Variants in RNGTT observed in about 807,000 individuals in gnomAD.
The protein encoded by RNGTT is RNA guanylyltransferase and 5'-phosphatase, also known as mRNA-capping enzyme.
In RNGTT, 33 loss-of-function variants were observed where a neutral mutation model predicts 79.3. That is an observed-to-expected ratio of 0.42 (90% CI 0.32 to 0.56). The LOEUF is 0.56. RNGTT is among the 20% of genes least tolerant of loss of function. The probability of loss-of-function intolerance (pLI) is 0.17; values close to 1 mark genes in which losing one functional copy is unlikely to be tolerated. For missense variants in RNGTT, 497 were observed against 739.1 expected (o/e 0.67, Z 3.80); for synonymous variants, 222 against 235.9 (o/e 0.94, Z 0.54).
intron 4 of RNGTT, among the ~76,000 whole-genome samples, chr6:88,919,959 G>A (rs916506686): frequency 6.6e-6 from 1 of 152,096 alleles, no homozygotes; most frequent in Admixed American, 6.5e-5. Context: ...AAAGTGTTGG[G>A]ATTACAGGCG....
At chr6:88,675,787 C>T (rs1202262790) in intron 14 of RNGTT, among the ~76,000 whole-genome samples, 1 of 150,748 alleles carries the variant, frequency 6.6e-6, no homozygotes, top group Non-Finnish European at 1.5e-5. Context: ...GCCCAAGTGT[C>T]AGGGTGAGTA....
chr6:88,662,879 G>T (rs2610713), intron 14 of RNGTT, among the ~76,000 whole-genome samples: 81,455 of 152,034 alleles, frequency 0.54, 23,335 homozygotes, highest in African/African-American at 0.74. Flanking sequence ...CCTTGGAACT[G>T]GCCCACTCCA....
At chr6:88,805,804 A>T (rs1779934924) in intron 11 of RNGTT, among the ~76,000 whole-genome samples, 1 of 152,236 alleles carries the variant, frequency 6.6e-6, no homozygotes, top group Non-Finnish European at 1.5e-5. Flanking sequence ...AAGTATGAAA[A>T]TAGAACACTC....
chr6:88,771,342 TATATATATACAC>T (rs1452972513), intron 12 of RNGTT, among the ~76,000 whole-genome samples: 31 of 129,970 alleles, frequency 2.4e-4, no homozygotes, highest in African/African-American at 9.1e-4. Flanking sequence ...TATATATATA[TATATATATACAC>T]ACACACACAC....
In RNGTT at chr6:88,890,528, G is replaced by C; in HGVS notation, c.863C>G (p.Pro288Arg). ...KQNIKLLDLK[P>R]YKVSWKADGT... Reference sequence around the variant, plus strand: ...ATCTGCTTTCCAGCTTACTTTGTATGGCTTCAGGTCTAAAAGTTTAATATT... The same window carrying C: ...ATCTGCTTTCCAGCTTACTTTGTATCGCTTCAGGTCTAAAAGTTTAATATT... The change falls in exon 8 of 16, where the codon CCA becomes CGA. Residue 288 changes from proline to arginine, a missense_variant. This residue lies in a region of RNGTT where 440 missense variants were observed against 671.5 expected (regional missense o/e 0.66). Transcript: ENST00000369485. 1 of 1,613,456 alleles carries C rather than the reference G, an allele frequency of 6.2e-7. No individual in the cohort carries two copies. The highest frequency in any genetic ancestry group is 1.3e-5 in the African/African-American group (1 of 74,986).
intron 11 of RNGTT, among the ~76,000 whole-genome samples, chr6:88,838,754 A>T (rs748133314): frequency 5.9e-5 from 9 of 152,180 alleles, no homozygotes; most frequent in Non-Finnish European, 1.0e-4. Flanking sequence ...AGAAATTGAC[A>T]GCTAATTATA....
rs150152548 is a variant in RNGTT at position 88,881,999 on chromosome 6, T to C, written c.896+8496A>G. Among the ~76,000 whole-genome samples the C allele has an allele frequency of 5.0e-3, 757 of 152,300 alleles. 5 individuals carry two copies. The highest frequency in any genetic ancestry group is 0.017 in the African/African-American group (697 of 41,568). The stretch of plus-strand genomic sequence containing the variant: ...TAGCTTGAATGACAGATATTTCTCC[T>C]GGTTTTCTCCCACCTCCCCTACTCT... On this transcript the variant is annotated intron_variant, in intron 8 of 15. Coordinates refer to ENST00000369485, the MANE Select transcript of RNGTT (RefSeq NM_003800.5).
At chr6:88,688,110 G>T (rs1775345912) in intron 13 of RNGTT, among the ~76,000 whole-genome samples, 1 of 152,120 alleles carries the variant, frequency 6.6e-6, no homozygotes, top group Non-Finnish European at 1.5e-5. Context: ...CCAACAAAAA[G>T]AAATGTAGAC....
intron 14 of RNGTT, among the ~76,000 whole-genome samples, 183 bp from the exon 15 acceptor site, chr6:88,614,578 C>T (rs192303589): frequency 6.6e-6 from 1 of 152,304 alleles, no homozygotes; most frequent in East Asian, 1.9e-4. Flanking sequence ...TGTACACATG[C>T]TCACTTATCC....
chr6:88,759,921 T>C (rs1485208092), intron 13 of RNGTT, among the ~76,000 whole-genome samples: 1 of 152,178 alleles, frequency 6.6e-6, no homozygotes, highest in African/African-American at 2.4e-5. Context: ...ATCTATATAA[T>C]ATCCACCAGG....
chr6:88,885,722 CAATA>C (rs1782834873), intron 8 of RNGTT, among the ~76,000 whole-genome samples: 2 of 152,252 alleles, frequency 1.3e-5, no homozygotes, highest in South Asian at 4.1e-4. Context: ...ATGCCTTTAT[CAATA>C]AATAAAGTAC....
At chr6:88,849,662 C>A in intron 10 of RNGTT, 93 bp downstream of exon 10, 1 of 1,165,170 alleles carries the variant, frequency 8.6e-7, no homozygotes, top group Non-Finnish European at 1.1e-6. Flanking sequence ...AATTTTCTTT[C>A]CTACTATCTC....
At chr6:88,956,115 AC>A (rs1785423977) in intron 1 of RNGTT, among the ~76,000 whole-genome samples, 1 of 151,838 alleles carries the variant, frequency 6.6e-6, no homozygotes, top group Non-Finnish European at 1.5e-5. Context: ...AGCAAGATTA[AC>A]CAAGAAAAGA....
chr6:88,737,438 G>A (rs1429211651), intron 13 of RNGTT, among the ~76,000 whole-genome samples: 7 of 152,174 alleles, frequency 4.6e-5, no homozygotes, highest in African/African-American at 1.7e-4. Flanking sequence ...TAAAATGAAT[G>A]TATTTTTCAT....
intron 14 of RNGTT, among the ~76,000 whole-genome samples, chr6:88,647,582 T>A (rs548280798): frequency 4.6e-5 from 7 of 151,556 alleles, no homozygotes; most frequent in East Asian, 3.9e-4. Flanking sequence ...CATGGTGGCA[T>A]GCACCTGTAG....
chr6:88,892,175 T>C (rs1408343009), intron 6 of RNGTT, among the ~76,000 whole-genome samples: 1 of 152,068 alleles, frequency 6.6e-6, no homozygotes, highest in Non-Finnish European at 1.5e-5. Context: ...TAATAATTTA[T>C]CTACCATTTA....
intron 4 of RNGTT, among the ~76,000 whole-genome samples, chr6:88,918,010 A>G (rs1376475802): frequency 6.6e-6 from 1 of 152,186 alleles, no homozygotes; most frequent in African/African-American, 2.4e-5. Context: ...ATTAGAATGG[A>G]AAATCACTAT....
intron 1 of RNGTT, among the ~76,000 whole-genome samples, chr6:88,941,920 A>C (rs1460079909): frequency 6.6e-6 from 1 of 152,192 alleles, no homozygotes; most frequent in Non-Finnish European, 1.5e-5. Flanking sequence ...TTAAAAACAT[A>C]AGCAATCTTC....
At chr6:88,831,309 C>T (rs1780855830) in intron 11 of RNGTT, among the ~76,000 whole-genome samples, 2 of 152,152 alleles carry the variant, frequency 1.3e-5, no homozygotes, top group South Asian at 4.1e-4. Flanking sequence ...AAATGTAATC[C>T]ATCACATAAA....
Sources: gnomAD v4.1 joint callset for allele counts (sites outside exome capture counted in the v4.1 genomes callset) on GRCh38, gnomAD v4.1.1 for gene constraint, gnomAD v4.1.1 regional missense constraint, MANE v1.5 for transcripts, NCBI Gene and HGNC (gene_info 2026-07-23, HGNC 2026-07-21) for gene names.